The following POLR3B variants were observed in gnomAD, a reference collection of about 807,000 sequenced individuals.
POLR3B encodes the protein RNA polymerase III subunit B.
A neutral mutation model predicts 147.4 loss-of-function variants in POLR3B; 96 were observed. That is an observed-to-expected ratio of 0.65 (90% CI 0.55 to 0.77). The LOEUF is 0.77. POLR3B is among the 30% of genes least tolerant of loss of function. POLR3B has a pLI of 0.00. For synonymous variants in POLR3B, 461 were observed against 485.9 expected, an observed-to-expected ratio of 0.95 and a Z score of 0.67; for missense variants, 1,036 against 1,413.5, an observed-to-expected ratio of 0.73 and a Z score of 4.28.
chr12:106,460,604 C>G (rs1291137536), intron 22 of POLR3B, among the ~76,000 whole-genome samples: 1 of 152,214 alleles, frequency 6.6e-6, no homozygotes, highest in Non-Finnish European at 1.5e-5. Context: ...AGACTCTACA[C>G]TGACTTCTAC....
intron 14 of POLR3B, among the ~76,000 whole-genome samples, chr12:106,431,866 G>A (rs2137003448): frequency 6.6e-6 from 1 of 152,258 alleles, no homozygotes. Context: ...AGAAACTTAA[G>A]GGCACTGGCC....
At position 106,453,570 on chromosome 12, in the gene POLR3B, A is replaced by G. The variant is rs372603605; in HGVS notation, c.2084-932A>G. On this transcript the variant is annotated intron_variant, in intron 19 of 27. Transcript: ENST00000228347. ...AGAAAAGAGATACCTAGGAGAAGTT[A>G]AAGAGGCTCAGTAGCCCACACTCAA... Among the ~76,000 whole-genome samples, 8 of 151,914 alleles carry G rather than the reference A, an allele frequency of 5.3e-5. No homozygotes were observed. In the East Asian group the frequency reaches 1.5e-3, roughly 29 times the overall value.
chr12:106,498,206 A>C (rs894864704), intron 25 of POLR3B, among the ~76,000 whole-genome samples: 6 of 152,154 alleles, frequency 3.9e-5, no homozygotes, highest in African/African-American at 1.2e-4. Context: ...TTTAAGGGAG[A>C]GGAAAAGTTA....
At chr12:106,487,948 C>T (rs1263256253) in intron 23 of POLR3B, among the ~76,000 whole-genome samples, 1 of 152,104 alleles carries the variant, frequency 6.6e-6, no homozygotes, top group African/African-American at 2.4e-5. Flanking sequence ...TCAGAGGAGG[C>T]CCACTGGAGA....
At chr12:106,454,250 C>T (rs2037835805) in intron 19 of POLR3B, among the ~76,000 whole-genome samples, 2 of 152,000 alleles carry the variant, frequency 1.3e-5, no homozygotes, top group South Asian at 4.1e-4. Flanking sequence ...AATGTAAATC[C>T]AAAAAGTCTA....
chr12:106,390,046 C>T (rs2036892936), intron 9 of POLR3B, among the ~76,000 whole-genome samples: 1 of 152,096 alleles, frequency 6.6e-6, no homozygotes, highest in Non-Finnish European at 1.5e-5. Context: ...TGGCAAAACC[C>T]CATCTGTACT....
chr12:106,387,859 T>A (rs906177076), intron 9 of POLR3B, among the ~76,000 whole-genome samples: 2 of 152,226 alleles, frequency 1.3e-5, no homozygotes, highest in Non-Finnish European at 2.9e-5. Flanking sequence ...GGATCATGTA[T>A]TTTTTGAAAA....
chr12:106,414,403 C>G (rs1451840346), intron 12 of POLR3B, among the ~76,000 whole-genome samples: 1 of 151,806 alleles, frequency 6.6e-6, no homozygotes, highest in Admixed American at 6.6e-5. Flanking sequence ...GGGTGTTATT[C>G]TAGGGATACT....
intron 25 of POLR3B, among the ~76,000 whole-genome samples, chr12:106,499,350 A>G (rs1035734426): frequency 1.3e-5 from 2 of 152,200 alleles, no homozygotes; most frequent in Non-Finnish European, 2.9e-5. Flanking sequence ...GCCGTAGACA[A>G]TGGTTAGTCT....
rs2038652036 is a variant in POLR3B, at chr12:106,504,377, C to T, written c.3272+123C>T. On this transcript the variant is annotated intron_variant, in intron 27 of 27. Transcript: ENST00000228347. The surrounding 1 kb of genome is among the most constrained non-coding windows in gnomAD (Gnocchi z 4.6). ...CTGTCTGTGATCACTAACATACCCTCCCTCATGCATGTATTCCTGTCATTG... is the reference window on the plus strand; with the variant it reads ...CTGTCTGTGATCACTAACATACCCTTCCTCATGCATGTATTCCTGTCATTG... 9 of 797,340 alleles carry T rather than the reference C, an allele frequency of 1.1e-5. No individual in the cohort carries two copies. Among genetic ancestry groups the T allele is most frequent in the Non-Finnish European group, 2.0e-5 (9 of 450,268 alleles). 49.4% of individuals were successfully genotyped at this position (797,340 alleles called of 1,614,324 possible). A position where few individuals can be genotyped will look rare whatever the true frequency, so the allele number is the denominator to read the frequency against.
At chr12:106,471,302 G>A (rs1217809194) in intron 23 of POLR3B, among the ~76,000 whole-genome samples, 3 of 152,198 alleles carry the variant, frequency 2.0e-5, no homozygotes, top group South Asian at 4.1e-4. Flanking sequence ...TGCTCTGCCG[G>A]TTGTGAAGAC....
Position 106,432,469 on chromosome 12 carries a change from T to C in POLR3B, c.1616T>C (p.Val539Ala), listed in dbSNP as rs1405428700. 1.2e-6 allele frequency: 2 copies of C among 1,612,296 alleles called. No homozygotes were observed. The highest frequency in any genetic ancestry group is 3.3e-5 in the Admixed American group (2 of 59,988). Residue 539 changes from valine to alanine, a missense_variant, in exon 15 of 28, where the codon GTC (valine) becomes GCC (alanine). Coordinates refer to ENST00000228347, the MANE Select transcript of POLR3B (RefSeq NM_018082.6). The part of the protein sequence containing the change: ...EELSYPNVFL[V>A]FLNGNILGVI... ...CTCTCTTACCCAAATGTGTTTCTTG[T>C]CTTTCTTAATGGTGGGTATATTATA...
Position 106,380,019 on chromosome 12 carries a change from AT to A in POLR3B, c.615-9del. The A allele has an allele frequency of 6.4e-7, 1 of 1,556,782 alleles. No individual in the cohort carries two copies. The highest frequency in any genetic ancestry group is 8.9e-7 in the Non-Finnish European group (1 of 1,128,372). ...TGGGGATGCAGTTTAACCAACTTGT[AT>A]TTACTCATAGCTCTACCCATGAGAA... On this transcript the variant is annotated splice_polypyrimidine_tract_variant and intron_variant, in intron 8 of 27. Coordinates refer to ENST00000228347, the MANE Select transcript of POLR3B (RefSeq NM_018082.6).
chr12:106,471,371 A>T (rs972147304), intron 23 of POLR3B, among the ~76,000 whole-genome samples: 2 of 152,148 alleles, frequency 1.3e-5, no homozygotes, highest in South Asian at 2.1e-4. Flanking sequence ...ACAGTCACTC[A>T]TGGCTTCCCT....
chr12:106,498,638 A>T (rs940793516), intron 25 of POLR3B, among the ~76,000 whole-genome samples: 14 of 150,394 alleles, frequency 9.3e-5, no homozygotes, highest in African/African-American at 3.2e-4. Context: ...CTGGAATGCA[A>T]TGGCGCTGTC....
chr12:106,378,087 CA>C (rs1565877706), intron 7 of POLR3B, among the ~76,000 whole-genome samples, 179 bp from the exon 8 acceptor site: 1 of 151,932 alleles, frequency 6.6e-6, no homozygotes, highest in Non-Finnish European at 1.5e-5. Context: ...GATCCTTTCT[CA>C]AAAAATAAAA....
At chr12:106,487,998 A>G (rs898827701) in intron 23 of POLR3B, among the ~76,000 whole-genome samples, 2 of 152,236 alleles carry the variant, frequency 1.3e-5, no homozygotes, top group African/African-American at 4.8e-5. Flanking sequence ...GACAGACCCA[A>G]TAAGCAACAT....
chr12:106,436,212 T>G (rs1439203222), intron 16 of POLR3B, among the ~76,000 whole-genome samples: 3 of 152,234 alleles, frequency 2.0e-5, no homozygotes, highest in Non-Finnish European at 2.9e-5. Context: ...GACTTTAGGG[T>G]AGAGCGCACA....
chr12:106,481,446 C>T (rs1293392931), intron 23 of POLR3B, among the ~76,000 whole-genome samples: 1 of 152,230 alleles, frequency 6.6e-6, no homozygotes, highest in Non-Finnish European at 1.5e-5. Context: ...CTCACGCTGC[C>T]TTTTGCAATA....
Sources: allele counts gnomAD v4.1 joint callset (sites outside exome capture counted in the v4.1 genomes callset), GRCh38; gene constraint gnomAD v4.1.1; non-coding constraint Gnocchi (gnomAD v3.1); transcripts MANE v1.5; gene names NCBI Gene and HGNC (gene_info 2026-07-23, HGNC 2026-07-21).